SAMD3: variants seen among roughly 807,000 people sequenced by gnomAD.
SAMD3 encodes the protein sterile alpha motif domain containing 3, also known as sterile alpha motif domain-containing protein 3.
Under a neutral mutation model 58.5 loss-of-function variants are expected in SAMD3, and 63 were observed. The ratio of observed to expected loss-of-function variants is 1.08; its 90% CI spans 0.88 to 1.33. SAMD3 has a LOEUF of 1.33. Among genes scored for constraint, SAMD3 ranks in the 40% most tolerant of loss-of-function variants. The pLI is 0.00. For missense variants in SAMD3, 604 were observed against 608.4 expected (o/e 0.99, Z 0.08); for synonymous variants, 220 against 210.3 (o/e 1.05, Z -0.40).
intron 1 of SAMD3, among the ~76,000 whole-genome samples, chr6:130,220,382 G>C (rs1353417770): frequency 6.6e-6 from 1 of 152,236 alleles, no homozygotes; most frequent in Non-Finnish European, 1.5e-5. Context: ...CAATGAGCCA[G>C]AGTCCCAGAA....
chr6:130,315,788 G>A (rs1776343066), intron 1 of SAMD3, among the ~76,000 whole-genome samples: 1 of 151,930 alleles, frequency 6.6e-6, no homozygotes, highest in Admixed American at 6.6e-5. Context: ...TTGGTAAACA[G>A]TAATACATCA....
intron 8 of SAMD3, among the ~76,000 whole-genome samples, chr6:130,168,253 G>T (rs1312647414): frequency 6.6e-6 from 1 of 152,110 alleles, no homozygotes; most frequent in Non-Finnish European, 1.5e-5. Flanking sequence ...GCCCAACTTG[G>T]CAAAACCCCA....
chr6:130,182,682 G>T (rs1329089695), intron 7 of SAMD3, among the ~76,000 whole-genome samples: 1 of 151,850 alleles, frequency 6.6e-6, no homozygotes, highest in Non-Finnish European at 1.5e-5. Flanking sequence ...AAGGAAAGGA[G>T]GAAGGGAGGG....
intron 1 of SAMD3, among the ~76,000 whole-genome samples, chr6:130,354,144 A>G (rs1204308486): frequency 2.0e-5 from 3 of 152,190 alleles, no homozygotes; most frequent in Non-Finnish European, 4.4e-5. Context: ...CACCAGTCAG[A>G]ATGGCTATTA....
intron 10 of SAMD3, 103 bp from the exon 11 acceptor site, chr6:130,145,525 A>G: frequency 1.5e-6 from 1 of 679,694 alleles, no homozygotes; most frequent in South Asian, 1.9e-5. Context: ...CCTTGGACAG[A>G]AAACAAACTA....
At chr6:130,278,456 A>C (rs1485490228) in intron 2 of SAMD3, among the ~76,000 whole-genome samples, 1 of 152,164 alleles carries the variant, frequency 6.6e-6, no homozygotes, top group African/African-American at 2.4e-5. Flanking sequence ...AGGTGAACCC[A>C]TTGGGCAGTT....
intron 2 of SAMD3, among the ~76,000 whole-genome samples, chr6:130,308,821 C>T (rs1004289193): frequency 3.9e-5 from 6 of 152,134 alleles, no homozygotes; most frequent in Non-Finnish European, 8.8e-5. Context: ...ATCTACCTTT[C>T]ATATGTAAAA....
chr6:130,284,549 A>G (rs530708084), intron 2 of SAMD3, among the ~76,000 whole-genome samples: 3 of 152,320 alleles, frequency 2.0e-5, no homozygotes, highest in Admixed American at 2.0e-4. Context: ...AAAGAATGTC[A>G]TATGAGCAAA....
At chr6:130,330,344 T>G (rs762553731) in intron 1 of SAMD3, among the ~76,000 whole-genome samples, 1 of 152,192 alleles carries the variant, frequency 6.6e-6, no homozygotes, top group Non-Finnish European at 1.5e-5. Context: ...CTATATTTTG[T>G]GATATAAACT....
intron 2 of SAMD3, among the ~76,000 whole-genome samples, chr6:130,251,806 A>T (rs563402218): frequency 2.6e-5 from 4 of 152,258 alleles, no homozygotes; most frequent in African/African-American, 9.6e-5. Context: ...TGAGTCCTCC[A>T]ACTTTGTTCT....
upstream of SAMD3, among the ~76,000 whole-genome samples, chr6:130,225,337 G>A (rs147288190): frequency 1.8e-4 from 27 of 152,260 alleles, no homozygotes; most frequent in South Asian, 1.0e-3. Flanking sequence ...TTTATATAGC[G>A]GGGAAGAAAT....
chr6:130,239,965 T>C (rs1233919242), intron 2 of SAMD3, among the ~76,000 whole-genome samples: 2 of 152,174 alleles, frequency 1.3e-5, no homozygotes, highest in Non-Finnish European at 2.9e-5. Context: ...GCTTCTCACA[T>C]TGCTGGGCAG....
chr6:130,311,713 G>A (rs1008862285), intron 2 of SAMD3, among the ~76,000 whole-genome samples: 1 of 151,674 alleles, frequency 6.6e-6, no homozygotes, highest in Non-Finnish European at 1.5e-5. Context: ...GAGTCTTCTG[G>A]GACCAGATGA....
At chr6:130,354,599 C>T (rs1365276962) in intron 1 of SAMD3, among the ~76,000 whole-genome samples, 1 of 152,050 alleles carries the variant, frequency 6.6e-6, no homozygotes, top group East Asian at 1.9e-4. Context: ...CACATGTTCT[C>T]ACTTATAAGT....
At chr6:130,306,669 C>T (rs6569673) in intron 2 of SAMD3, among the ~76,000 whole-genome samples, 53,040 of 152,074 alleles carry the variant, frequency 0.35, 12,622 homozygotes, top group African/African-American at 0.68. Flanking sequence ...TGAAATATAG[C>T]TTGCAGACTT....
At chr6:130,201,270 C>T (rs1794631037) in intron 5 of SAMD3, among the ~76,000 whole-genome samples, 1 of 152,088 alleles carries the variant, frequency 6.6e-6, no homozygotes, top group Non-Finnish European at 1.5e-5. Flanking sequence ...TTTGATTATT[C>T]CCTAACCTAC....
In SAMD3 at chr6:130,250,107, G is replaced by A. The variant is rs146103033; in HGVS notation, c.-187-27294C>T. Among the ~76,000 whole-genome samples, 913 of 152,296 alleles carry A rather than the reference G, an allele frequency of 6.0e-3. 11 individuals are homozygous for A. Among genetic ancestry groups the A allele is most frequent in the African/African-American group, 0.021 (868 of 41,576 alleles). On this transcript the variant is annotated intron_variant, in intron 2 of 13. Coordinates refer to the SAMD3 transcript ENST00000368134. ...GATAGCTCTGCAACAGTTACATACA[G>A]CTATGGGTGTAGACTGGAATCACCA...
chr6:130,202,029 T>C (rs1252030097), intron 5 of SAMD3, among the ~76,000 whole-genome samples: 1 of 152,172 alleles, frequency 6.6e-6, no homozygotes, highest in Non-Finnish European at 1.5e-5. Flanking sequence ...CATGTCTACA[T>C]AGTACCTAGC....
chr6:130,359,983 G>T (rs1053238763), intron 1 of SAMD3, among the ~76,000 whole-genome samples: 8 of 152,186 alleles, frequency 5.3e-5, no homozygotes, highest in Admixed American at 1.3e-4. Context: ...CTGTCATTCT[G>T]TGGTTATGTG....
Sources: gnomAD v4.1 joint callset for allele counts (sites outside exome capture counted in the v4.1 genomes callset) on GRCh38, gnomAD v4.1.1 for gene constraint, MANE v1.5 for transcripts, NCBI Gene and HGNC (gene_info 2026-07-23, HGNC 2026-07-21) for gene names.